The following GRID1 variants were observed in gnomAD, a reference collection of about 807,000 sequenced individuals.
GRID1 encodes the protein glutamate ionotropic receptor delta type subunit 1, also known as glutamate receptor ionotropic, delta-1.
In GRID1, 28 loss-of-function variants were observed where a neutral mutation model predicts 98.0. The observed-to-expected ratio is 0.29, with a 90% CI of 0.21 to 0.39. GRID1 has a LOEUF of 0.39. GRID1 is among the 10% of genes least tolerant of loss of function. The pLI, the probability that GRID1 is intolerant of heterozygous loss-of-function variation, is 1.00. For synonymous variants in GRID1, 553 were observed against 538.5 expected (o/e 1.03, Z -0.37); for missense variants, 1,111 against 1,340.5 (o/e 0.83, Z 2.67).
At chr10:86,350,583 C>T (rs1848449560) in intron 2 of GRID1, among the ~76,000 whole-genome samples, 1 of 152,194 alleles carries the variant, frequency 6.6e-6, no homozygotes, top group Non-Finnish European at 1.5e-5. Context: ...CTGTACTGCC[C>T]AGGATTGTCC....
chr10:85,797,936 T>A (rs1842540804), intron 8 of GRID1, among the ~76,000 whole-genome samples: 1 of 152,198 alleles, frequency 6.6e-6, no homozygotes. Context: ...TGCATAGCAT[T>A]CCATGGCCAA....
chr10:85,951,944 C>A (rs1375796332), intron 4 of GRID1, among the ~76,000 whole-genome samples: 1 of 152,210 alleles, frequency 6.6e-6, no homozygotes, highest in African/African-American at 2.4e-5. Context: ...CCATACCATC[C>A]TCCATCCCAT....
intron 12 of GRID1, chr10:85,647,642 C>CAA (rs1390728953): frequency 2.1e-6 from 1 of 479,000 alleles, no homozygotes; most frequent in Non-Finnish European, 3.8e-6. Context: ...CACCTAAAAC[C>CAA]AGGTTCTTTA....
intron 2 of GRID1, among the ~76,000 whole-genome samples, chr10:86,240,634 AG>A (rs1846613690): frequency 6.6e-6 from 1 of 152,180 alleles, no homozygotes; most frequent in Non-Finnish European, 1.5e-5. Context: ...CTTGAAAAGC[AG>A]ATTTTAGCTC....
At chr10:85,851,690 T>C (rs1337677611) in intron 8 of GRID1, among the ~76,000 whole-genome samples, 1 of 152,176 alleles carries the variant, frequency 6.6e-6, no homozygotes, top group Non-Finnish European at 1.5e-5. Context: ...TATATAATCT[T>C]TGCAGGGAAT....
intron 8 of GRID1, among the ~76,000 whole-genome samples, chr10:85,790,776 G>A (rs904684855): frequency 2.0e-5 from 3 of 152,154 alleles, no homozygotes; most frequent in African/African-American, 7.2e-5. Context: ...ACTGTGCAGG[G>A]CCACCCGGCT....
intron 13 of GRID1, among the ~76,000 whole-genome samples, chr10:85,644,952 C>T (rs1222440160): frequency 6.6e-6 from 1 of 152,188 alleles, no homozygotes; most frequent in Non-Finnish European, 1.5e-5. Context: ...TGTGTTGCCT[C>T]TTCTGTGGAA....
chr10:85,969,670 A>C (rs1247258962), intron 4 of GRID1, among the ~76,000 whole-genome samples: 1 of 152,060 alleles, frequency 6.6e-6, no homozygotes, highest in African/African-American at 2.4e-5. Flanking sequence ...AGAATATCAA[A>C]ATTTATAGGA....
rs138228842 is a variant in GRID1, at chr10:85,994,915, T to A, written c.727-78676A>T. Among the ~76,000 whole-genome samples, 432 of 152,380 alleles carry A rather than the reference T, an allele frequency of 2.8e-3. 2 individuals carry two copies. Among genetic ancestry groups the A allele is most frequent in the African/African-American group, 9.9e-3 (410 of 41,596 alleles). On this transcript the variant is annotated intron_variant, in intron 4 of 15. Transcript: ENST00000327946. ...ATCTTTAGTCAAAATGCCATTTGGC[T>A]TATATTTTTAAACATTTCCACCTGG... is the stretch of plus-strand genomic sequence containing the variant.
intron 13 of GRID1, among the ~76,000 whole-genome samples, chr10:85,645,357 G>A (rs1045884509): frequency 6.6e-6 from 1 of 152,186 alleles, no homozygotes; most frequent in African/African-American, 2.4e-5. Context: ...GTCACCTACA[G>A]CCACAAAGAT....
chr10:85,953,342 C>A (rs947635007), intron 4 of GRID1, among the ~76,000 whole-genome samples: 2 of 151,988 alleles, frequency 1.3e-5, no homozygotes, highest in East Asian at 3.9e-4. Context: ...TAGAAGGGAA[C>A]AACACACACT....
At chr10:86,115,878 G>T (rs1223956744) in intron 4 of GRID1, among the ~76,000 whole-genome samples, 4 of 152,216 alleles carry the variant, frequency 2.6e-5, no homozygotes, top group African/African-American at 9.6e-5. Flanking sequence ...GGTCCCAGAA[G>T]ATTATATTGC....
At chr10:86,215,346 C>T (rs1434872293) in intron 2 of GRID1, among the ~76,000 whole-genome samples, 4 of 152,218 alleles carry the variant, frequency 2.6e-5, no homozygotes, top group African/African-American at 9.6e-5. Flanking sequence ...GAGCTGGCAG[C>T]ACCATGGGAT....
At chr10:85,640,741 C>T (rs1021275869) in intron 13 of GRID1, among the ~76,000 whole-genome samples, 2 of 152,192 alleles carry the variant, frequency 1.3e-5, no homozygotes, top group Non-Finnish European at 2.9e-5. Context: ...AACCCTGTTA[C>T]AGAGCAGAAA....
chr10:86,348,066 G>C (rs112003041), intron 2 of GRID1, among the ~76,000 whole-genome samples: 1 of 152,160 alleles, frequency 6.6e-6, no homozygotes, highest in African/African-American at 2.4e-5. Flanking sequence ...CTATCACTGG[G>C]GTCTCAGTCC....
chr10:86,205,328 C>T (rs1353279968), intron 3 of GRID1, among the ~76,000 whole-genome samples: 1 of 152,206 alleles, frequency 6.6e-6, no homozygotes, highest in Non-Finnish European at 1.5e-5. Flanking sequence ...TCATCAGTCT[C>T]CCACACCCTC....
chr10:85,787,317 G>C (rs1842438680), intron 8 of GRID1, among the ~76,000 whole-genome samples: 1 of 152,120 alleles, frequency 6.6e-6, no homozygotes, highest in Admixed American at 6.5e-5. Context: ...TGAACACTCT[G>C]TCCTCAGGTC....
chr10:85,724,304 C>A lies in GRID1; in HGVS notation c.1858+48G>T, dbSNP rs371101283. ...TGAGAACTTTGCCAATGGATAAGTT[C>A]TTCCAGGCCCCTAGAGCTATTCAAT... is the stretch of plus-strand genomic sequence containing the variant. On this transcript the variant is annotated intron_variant, in intron 11 of 15. Transcript: ENST00000327946. The A allele has an allele frequency of 4.1e-6, 6 of 1,461,040 alleles. No individual in the cohort carries two copies. In the African/African-American group the frequency reaches 8.5e-5, roughly 21 times the overall value. The allele number at this position is 1,461,040 out of a possible 1,614,324, so 90.5% of individuals were successfully genotyped here.
intron 8 of GRID1, among the ~76,000 whole-genome samples, chr10:85,816,726 G>A (rs925629247): frequency 3.3e-5 from 5 of 150,774 alleles, no homozygotes; most frequent in Admixed American, 2.7e-4. Context: ...TTTGAGGTTC[G>A]GGTGTACATG....
Sources: gnomAD v4.1 joint callset for allele counts (sites outside exome capture counted in the v4.1 genomes callset) on GRCh38, gnomAD v4.1.1 for gene constraint, MANE v1.5 for transcripts, NCBI Gene and HGNC (gene_info 2026-07-23, HGNC 2026-07-21) for gene names.